The following RUFY3 variants were observed in gnomAD, a reference collection of about 807,000 sequenced individuals.
The protein encoded by RUFY3 is RUN and FYVE domain containing 3, also known as protein RUFY3.
In RUFY3, 34 loss-of-function variants were observed where a neutral mutation model predicts 84.0. That is an observed-to-expected ratio of 0.40 (90% CI 0.31 to 0.54). The LOEUF (loss-of-function observed/expected upper bound fraction) is 0.54. Ranked by LOEUF, RUFY3 falls within the 20% of genes least tolerant of loss-of-function variation. The pLI is 0.39. For missense variants in RUFY3, 507 were observed against 736.8 expected, an observed-to-expected ratio of 0.69 and a Z score of 3.61; for synonymous variants, 242 against 252.9, an observed-to-expected ratio of 0.96 and a Z score of 0.41.
intron 1 of RUFY3, among the ~76,000 whole-genome samples, chr4:70,739,810 A>G (rs577380114): frequency 6.7e-6 from 1 of 148,248 alleles, no homozygotes; most frequent in Non-Finnish European, 1.5e-5. Context: ...CAGACCATGT[A>G]CTCCAGAACT....
At chr4:70,802,042 G>A (rs1732296462) in intron 15 of RUFY3, among the ~76,000 whole-genome samples, 1 of 152,188 alleles carries the variant, frequency 6.6e-6, no homozygotes, top group South Asian at 2.1e-4. Context: ...TTATGATTCA[G>A]TATTCCTTAC....
At chr4:70,710,791 G>A (rs1328186505) in intron 1 of RUFY3, among the ~76,000 whole-genome samples, 2 of 151,482 alleles carry the variant, frequency 1.3e-5, no homozygotes, top group African/African-American at 4.8e-5. Context: ...GGCCAGGCAT[G>A]GTGGCTCATG....
intron 1 of RUFY3, among the ~76,000 whole-genome samples, chr4:70,727,105 C>CT: frequency 7.6e-6 from 1 of 132,246 alleles, no homozygotes; most frequent in Non-Finnish European, 1.6e-5. Context: ...AGTAAAGGAA[C>CT]TTTTAAAGCA....
At position 70,806,561 on chromosome 4, in the gene RUFY3, A is replaced by G. The variant is rs1365901041; in HGVS notation, c.1765A>G (p.Thr589Ala). The change falls in exon 18 of 18, where the codon ACA becomes GCA. Residue 589 changes from threonine (T) to alanine (A), a missense_variant. By Grantham distance (58) the Thr-to-Ala change is moderately conservative (BLOSUM62 0). This residue lies in a region of RUFY3 where 334 missense variants were observed against 364.1 expected (regional missense o/e 0.92). Coordinates refer to ENST00000381006, the MANE Select transcript of RUFY3 (RefSeq NM_001037442.4). The part of the protein sequence containing the change: ...CSGTFCDACS[T>A]NELPLPSSIK... ...CGGAACCTTCTGTGATGCCTGTTCA[A>G]CAAATGAACTGCCTCTTCCTTCAAG... is the stretch of plus-strand genomic sequence containing the variant. The G allele has an allele frequency of 6.2e-7, 1 of 1,614,206 alleles. No homozygotes were observed. The highest frequency in any genetic ancestry group is 2.2e-5 in the East Asian group (1 of 44,886).
At chr4:70,741,548 T>A in intron 1 of RUFY3, 3 of 1,242,536 alleles carry the variant, frequency 2.4e-6, no homozygotes, top group Non-Finnish European at 3.3e-6. Context: ...TTTGGAAATC[T>A]TGTTTTTAAT....
In RUFY3 at chr4:70,789,008, T is replaced by C. The variant is rs766392553; in HGVS notation, c.1239+35T>C. 5 of 1,599,476 alleles carry C rather than the reference T, an allele frequency of 3.1e-6. No individual in the cohort carries two copies. In the South Asian group the frequency reaches 3.3e-5, roughly 11 times the overall value. On this transcript the variant is annotated intron_variant, in intron 11 of 17. Coordinates refer to ENST00000381006, the MANE Select transcript of RUFY3 (RefSeq NM_001037442.4). ...ATATGAGGAATAGACTCACTGGCTC[T>C]CTAAAATCCTGGGGCTTCCCTCCTC...
intron 7 of RUFY3, among the ~76,000 whole-genome samples, chr4:70,777,625 C>T (rs1483860572): frequency 1.3e-5 from 2 of 152,230 alleles, no homozygotes; most frequent in South Asian, 2.1e-4. Context: ...GATATGGTTA[C>T]AGTTAACAAT....
chr4:70,778,836 T>G (rs1015947194), intron 8 of RUFY3, among the ~76,000 whole-genome samples: 41 of 152,260 alleles, frequency 2.7e-4, no homozygotes, highest in African/African-American at 9.9e-4. Flanking sequence ...CGCCTCAGCC[T>G]CCCAAAGTGC....
At chr4:70,725,310 A>C (rs1023134788) in intron 1 of RUFY3, among the ~76,000 whole-genome samples, 3 of 151,676 alleles carry the variant, frequency 2.0e-5, no homozygotes, top group Non-Finnish European at 4.4e-5. Flanking sequence ...ATGAGGGATT[A>C]TCTCTCTTTT....
intron 15 of RUFY3, 57 bp downstream of exon 15, chr4:70,800,262 G>T: frequency 7.1e-7 from 1 of 1,409,064 alleles, no homozygotes; most frequent in South Asian, 1.3e-5. Flanking sequence ...TGGTGGGAAG[G>T]AGGGAGTTCT....
At chr4:70,771,557 A>C (rs957535793) in intron 5 of RUFY3, among the ~76,000 whole-genome samples, 1 of 152,142 alleles carries the variant, frequency 6.6e-6, no homozygotes, top group Non-Finnish European at 1.5e-5. Flanking sequence ...TTTTTGAGAC[A>C]AAGTCTCACT....
chr4:70,735,988 C>CA (rs1402322027), intron 1 of RUFY3, among the ~76,000 whole-genome samples: 4 of 150,662 alleles, frequency 2.7e-5, no homozygotes. Flanking sequence ...AACTTCATCT[C>CA]AAAAAAAATT....
At chr4:70,754,717 C>T (rs1397546612) in intron 1 of RUFY3, among the ~76,000 whole-genome samples, 1 of 151,872 alleles carries the variant, frequency 6.6e-6, no homozygotes, top group Non-Finnish European at 1.5e-5. Flanking sequence ...AGTACTTTCA[C>T]TTCTTTCTTT....
chr4:70,779,281 C>A (rs891757963), intron 8 of RUFY3, among the ~76,000 whole-genome samples: 1 of 152,128 alleles, frequency 6.6e-6, no homozygotes, highest in Non-Finnish European at 1.5e-5. Flanking sequence ...AGTAAGTCAG[C>A]CACTTGACCT....
intron 1 of RUFY3, among the ~76,000 whole-genome samples, chr4:70,730,596 G>A (rs1188491375): frequency 7.0e-6 from 1 of 143,592 alleles, no homozygotes; most frequent in Non-Finnish European, 1.5e-5. Flanking sequence ...AAGATTAGCT[G>A]GGCGTGGTGG....
At chr4:70,717,077 G>A (rs909805939), upstream of RUFY3, among the ~76,000 whole-genome samples, 7 of 152,132 alleles carry the variant, frequency 4.6e-5, no homozygotes, top group African/African-American at 1.7e-4. Context: ...GCAAGAAGGA[G>A]CACATAAGTA....
intron 12 of RUFY3, chr4:70,789,962 T>C: frequency 1.1e-6 from 1 of 915,344 alleles, no homozygotes; most frequent in East Asian, 1.1e-4. Flanking sequence ...ATCACTGAAG[T>C]CTTTGAATAC....
chr4:70,766,314 G>A (rs1725907288), intron 4 of RUFY3, among the ~76,000 whole-genome samples: 2 of 151,854 alleles, frequency 1.3e-5, no homozygotes. Flanking sequence ...GTGCAATCAC[G>A]GCTCACTGCA....
At chr4:70,747,405 G>A (rs1222349349) in intron 1 of RUFY3, among the ~76,000 whole-genome samples, 1 of 151,904 alleles carries the variant, frequency 6.6e-6, no homozygotes, top group African/African-American at 2.4e-5. Flanking sequence ...CCCACTAAAG[G>A]GTTGTGACCT....
Sources: gnomAD v4.1 joint callset for allele counts (sites outside exome capture counted in the v4.1 genomes callset) on GRCh38, gnomAD v4.1.1 for gene constraint, gnomAD v4.1.1 regional missense constraint, MANE v1.5 for transcripts, NCBI Gene and HGNC (gene_info 2026-07-23, HGNC 2026-07-21) for gene names.